The following MMP26 variants were observed in gnomAD, a reference collection of about 807,000 sequenced individuals.
The protein encoded by MMP26 is matrix metallopeptidase 26.
MMP26 carries 33 observed loss-of-function variants against 31.0 expected under a neutral mutation model. The ratio of observed to expected loss-of-function variants is 1.06; its 90% CI spans 0.81 to 1.42. MMP26 has a LOEUF of 1.42. Ranked by LOEUF, MMP26 falls within the 40% of genes most tolerant of loss-of-function variation. MMP26 has a pLI of 0.00. For synonymous variants in MMP26, 122 were observed against 114.9 expected (o/e 1.06, Z -0.40); for missense variants, 347 against 316.1 (o/e 1.10, Z -0.74).
At chr11:4,769,449 G>A (rs1415764817) in intron 2 of MMP26, 4 of 1,611,482 alleles carry the variant, frequency 2.5e-6, no homozygotes, top group Non-Finnish European at 3.4e-6. Context: ...GGCAATATTA[G>A]TACTATAGCA....
At chr11:4,741,875 A>C (rs1848316738) in intron 1 of MMP26, among the ~76,000 whole-genome samples, 1 of 152,254 alleles carries the variant, frequency 6.6e-6, no homozygotes, top group African/African-American at 2.4e-5. Context: ...TGGAAGTTAC[A>C]AAATGTATAA....
intron 2 of MMP26, chr11:4,907,675 C>T (rs756335092): frequency 2.5e-6 from 4 of 1,613,866 alleles, no homozygotes; most frequent in East Asian, 4.5e-5. Context: ...CTCAAGAATT[C>T]TTCATTCATG....
intron 1 of MMP26, among the ~76,000 whole-genome samples, chr11:4,760,669 T>G (rs1023573234): frequency 4.6e-5 from 7 of 152,194 alleles, no homozygotes; most frequent in Non-Finnish European, 2.9e-5. Context: ...AGTTTTCCAT[T>G]GATAGATTTC....
intron 1 of MMP26, among the ~76,000 whole-genome samples, chr11:4,713,076 T>C (rs1318315805): frequency 6.6e-6 from 1 of 151,922 alleles, no homozygotes. Context: ...AACGGATATA[T>C]CAGAGTTTAG....
chr11:4,887,745 AT>A (rs1850563519), intron 2 of MMP26, among the ~76,000 whole-genome samples: 1 of 152,086 alleles, frequency 6.6e-6, no homozygotes, highest in Non-Finnish European at 1.5e-5. Context: ...GTCAGATGCA[AT>A]TTTTTATACA....
intron 2 of MMP26, chr11:4,914,550 C>A: frequency 1.7e-6 from 1 of 573,578 alleles, no homozygotes; most frequent in East Asian, 2.8e-5. Context: ...TTTTACCCCC[C>A]CCTGCCCTGG....
At chr11:4,731,485 C>A (rs1179880814) in intron 1 of MMP26, among the ~76,000 whole-genome samples, 1 of 152,194 alleles carries the variant, frequency 6.6e-6, no homozygotes, top group Non-Finnish European at 1.5e-5. Flanking sequence ...CTACGGCTAG[C>A]TAGGACATCT....
chr11:4,886,640 C>A (rs945369729), intron 2 of MMP26, among the ~76,000 whole-genome samples: 1 of 151,048 alleles, frequency 6.6e-6, no homozygotes, highest in African/African-American at 2.4e-5. Flanking sequence ...GAAAAAAATA[C>A]AACTATTACT....
chr11:4,980,533 A>C (rs1013799761), intron 2 of MMP26, among the ~76,000 whole-genome samples: 10 of 152,234 alleles, frequency 6.6e-5, no homozygotes, highest in African/African-American at 2.4e-4. Context: ...AAATTTAAGG[A>C]GATTACTAAG....
intron 2 of MMP26, among the ~76,000 whole-genome samples, chr11:4,859,347 T>A (rs1850107624): frequency 6.6e-6 from 1 of 152,218 alleles, no homozygotes; most frequent in Non-Finnish European, 1.5e-5. Context: ...TTGTTCTCAC[T>A]GATGCTCATC....
At position 4,989,866 on chromosome 11, in the gene MMP26, C is replaced by T; in HGVS notation, c.318C>T (p.Tyr106=). ...RCKWNKHTLT[Y]RIINYPHDMK... is the part of the protein sequence containing the mutation. ...AGTGGAATAAGCACACTCTAACTTA[C>T]AGGTGCTTGTTACTAAGGCCTAGAG... Residue 106 remains tyrosine, a splice_region_variant and synonymous_variant, in exon 4 of 8, where the codon TAC becomes TAT. Coordinates refer to ENST00000380390, the MANE Select transcript of MMP26 (RefSeq NM_021801.5). 2.5e-6 allele frequency: 4 copies of T among 1,605,414 alleles called. No homozygotes were observed. Among genetic ancestry groups the T allele is most frequent in the Non-Finnish European group, 3.4e-6 (4 of 1,179,040 alleles).
intron 2 of MMP26, among the ~76,000 whole-genome samples, chr11:4,927,745 A>C (rs1314889272): frequency 6.6e-6 from 1 of 152,108 alleles, no homozygotes; most frequent in Non-Finnish European, 1.5e-5. Context: ...GGTCTTTTTG[A>C]AGAGCCCAAA....
At chr11:4,891,014 A>C (rs907287416) in intron 2 of MMP26, among the ~76,000 whole-genome samples, 7 of 146,986 alleles carry the variant, frequency 4.8e-5, no homozygotes, top group African/African-American at 1.7e-4. Flanking sequence ...AATAATAATA[A>C]TAATAATAAT....
chr11:4,959,812 C>A (rs1846495972), intron 2 of MMP26, among the ~76,000 whole-genome samples: 1 of 152,236 alleles, frequency 6.6e-6, no homozygotes, highest in East Asian at 1.9e-4. Flanking sequence ...TCTAAATATA[C>A]TCATACTCTC....
rs763468779 is a variant in MMP26, at chr11:4,881,933, T to C, written c.-144-106135T>C. ...ATTCAATAACACCACTTCGTCTTCC[T>C]CAAACTTCCTCCTCACTGCATTCCC... On this transcript the variant is annotated intron_variant, in intron 2 of 7. Transcript: ENST00000380390. 5.6e-6 allele frequency: 9 copies of C among 1,613,654 alleles called. No homozygotes were observed. The African/African-American group carries it at 1.2e-4, about 22-fold the overall frequency.
chr11:4,757,098 A>G (rs765558118), intron 1 of MMP26, among the ~76,000 whole-genome samples: 4 of 152,120 alleles, frequency 2.6e-5, no homozygotes, highest in Non-Finnish European at 5.9e-5. Flanking sequence ...CATTAAACCA[A>G]TGCAATTAAG....
intron 2 of MMP26, chr11:4,876,750 C>T: frequency 6.6e-6 from 1 of 151,218 alleles, no homozygotes. Flanking sequence ...ATGTATTTTT[C>T]TAGCCATGTT....
intron 2 of MMP26, among the ~76,000 whole-genome samples, chr11:4,786,574 G>C (rs1848950082): frequency 7.6e-6 from 1 of 130,972 alleles, no homozygotes; most frequent in Non-Finnish European, 1.5e-5. Context: ...TATGAGAAGT[G>C]CTTCAGGAGC....
intron 1 of MMP26, among the ~76,000 whole-genome samples, chr11:4,766,790 C>G (rs1267283512): frequency 7.6e-6 from 1 of 132,238 alleles, no homozygotes; most frequent in Non-Finnish European, 1.5e-5. Flanking sequence ...CTCTCTCTTT[C>G]TCTATGACAT....
Sources: allele counts gnomAD v4.1 joint callset (sites outside exome capture counted in the v4.1 genomes callset), GRCh38; gene constraint gnomAD v4.1.1; transcripts MANE v1.5; gene names NCBI Gene and HGNC (gene_info 2026-07-23, HGNC 2026-07-21).